Variants in CCSER1 observed in about 807,000 individuals in gnomAD.
CCSER1 encodes the protein coiled-coil serine rich protein 1.
CCSER1 carries 41 observed loss-of-function variants against 82.0 expected under a neutral mutation model. The ratio of observed to expected loss-of-function variants is 0.50; its 90% confidence interval spans 0.39 to 0.65. CCSER1 has a LOEUF of 0.65. CCSER1 is among the 30% of genes least tolerant of loss of function. The probability of loss-of-function intolerance (pLI) is 0.00; values close to 1 mark genes in which losing one functional copy is unlikely to be tolerated. For synonymous variants in CCSER1, 414 were observed against 383.9 expected (o/e 1.08, Z -0.92); for missense variants, 1,119 against 1,064.2 (o/e 1.05, Z -0.72).
At chr4:90,235,608 T>C (rs1307950578) in intron 1 of CCSER1, among the ~76,000 whole-genome samples, 1 of 152,186 alleles carries the variant, frequency 6.6e-6, no homozygotes, top group Non-Finnish European at 1.5e-5. Context: ...TACTTAGTTA[T>C]CTGTGCAAAA....
intron 10 of CCSER1, among the ~76,000 whole-genome samples, chr4:91,535,653 A>C (rs1188135052): frequency 6.7e-6 from 1 of 150,316 alleles, no homozygotes; most frequent in Non-Finnish European, 1.5e-5. Flanking sequence ...TAAAATTTTA[A>C]GAATAAACAG....
At chr4:91,094,368 C>T (rs538167830) in intron 10 of CCSER1, among the ~76,000 whole-genome samples, 8 of 152,172 alleles carry the variant, frequency 5.3e-5, no homozygotes, top group Non-Finnish European at 1.0e-4. Context: ...AAGAAGGCAT[C>T]CTTCAAGTCC....
chr4:91,000,209 GT>G (rs1386263614), intron 9 of CCSER1, among the ~76,000 whole-genome samples: 1 of 142,488 alleles, frequency 7.0e-6, no homozygotes, highest in Non-Finnish European at 1.5e-5. Flanking sequence ...GTATAGTATA[GT>G]ATAGTATAGG....
intron 10 of CCSER1, among the ~76,000 whole-genome samples, chr4:91,299,573 A>G (rs1024318168): frequency 2.6e-5 from 4 of 151,976 alleles, no homozygotes; most frequent in Non-Finnish European, 5.9e-5. Flanking sequence ...TGAGATTTCA[A>G]AGCTAACTAG....
At chr4:91,426,801 AT>A (rs796912633) in intron 10 of CCSER1, among the ~76,000 whole-genome samples, 62 of 152,280 alleles carry the variant, frequency 4.1e-4, no homozygotes, top group African/African-American at 1.4e-3. Context: ...CAGACTTTAA[AT>A]TTATATAAAA....
chr4:91,267,504 G>T (rs1741693777), intron 10 of CCSER1, among the ~76,000 whole-genome samples: 1 of 152,176 alleles, frequency 6.6e-6, no homozygotes, highest in Non-Finnish European at 1.5e-5. Flanking sequence ...ACATTTAAAA[G>T]ACTTTAATTT....
intron 8 of CCSER1, among the ~76,000 whole-genome samples, chr4:90,827,747 T>C (rs1760645539): frequency 6.6e-6 from 1 of 152,108 alleles, no homozygotes; most frequent in African/African-American, 2.4e-5. Flanking sequence ...GAATTTTCTT[T>C]TGCCCTCTGA....
intron 3 of CCSER1, among the ~76,000 whole-genome samples, chr4:90,372,949 G>A (rs1265362670): frequency 7.6e-6 from 1 of 130,954 alleles, no homozygotes; most frequent in Admixed American, 7.4e-5. Flanking sequence ...AAGGATAAAG[G>A]AGATGCAAAC....
chr4:90,876,728 GTTTTTCT>G (rs1373629201), intron 8 of CCSER1, among the ~76,000 whole-genome samples: 3 of 152,026 alleles, frequency 2.0e-5, no homozygotes, highest in Admixed American at 2.0e-4. Context: ...GTGTGTGTGA[GTTTTTCT>G]TTAGCCACTA....
chr4:90,487,705 G>A (rs1045899440), intron 5 of CCSER1, among the ~76,000 whole-genome samples: 4 of 152,190 alleles, frequency 2.6e-5, no homozygotes, highest in East Asian at 1.9e-4. Flanking sequence ...GAGTGCAGTG[G>A]CACAATCTCG....
At chr4:91,219,863 C>T (rs999790815) in intron 10 of CCSER1, among the ~76,000 whole-genome samples, 1 of 152,138 alleles carries the variant, frequency 6.6e-6, no homozygotes, top group Admixed American at 6.6e-5. Context: ...GTATCTGTCT[C>T]TCATATCTGT....
chr4:91,390,191 G>C (rs186035206), intron 10 of CCSER1, among the ~76,000 whole-genome samples: 159 of 152,048 alleles, frequency 1.0e-3, no homozygotes, highest in African/African-American at 3.7e-3. Flanking sequence ...AACTCAATTT[G>C]AGGAAGTTTT....
intron 3 of CCSER1, among the ~76,000 whole-genome samples, chr4:90,335,111 T>G (rs1219051070): frequency 4.6e-5 from 7 of 152,164 alleles, no homozygotes; most frequent in South Asian, 2.1e-4. Context: ...TGAAATCAAC[T>G]ACCTTATTCA....
At chr4:91,493,376 G>A (rs1217554490) in intron 10 of CCSER1, among the ~76,000 whole-genome samples, 2 of 151,494 alleles carry the variant, frequency 1.3e-5, no homozygotes, top group African/African-American at 2.4e-5. Context: ...ATTATTAATG[G>A]CTAGTGAGGC....
intron 5 of CCSER1, among the ~76,000 whole-genome samples, chr4:90,503,898 T>A (rs1403133543): frequency 1.3e-5 from 2 of 152,120 alleles, no homozygotes. Context: ...TGCTTAGACT[T>A]TTTGACTTAT....
At chr4:91,118,259 G>A (rs1030215055) in intron 10 of CCSER1, among the ~76,000 whole-genome samples, 12 of 148,466 alleles carry the variant, frequency 8.1e-5, no homozygotes, top group Non-Finnish European at 1.5e-4. Flanking sequence ...CTTTCTGGAA[G>A]AAGTAACAAC....
intron 9 of CCSER1, among the ~76,000 whole-genome samples, chr4:90,970,239 C>T (rs994861678): frequency 1.3e-5 from 2 of 151,654 alleles, no homozygotes; most frequent in African/African-American, 2.4e-5. Context: ...CAGACATAGA[C>T]AGGAAATGAA....
intron 8 of CCSER1, chr4:90,839,043 C>G (rs774932559): frequency 1.2e-6 from 2 of 1,612,108 alleles, no homozygotes; most frequent in South Asian, 1.1e-5. Flanking sequence ...GACATGGTTG[C>G]GGAGGAAAAG....
intron 1 of CCSER1, among the ~76,000 whole-genome samples, chr4:90,245,765 A>G (rs1721306714): frequency 6.6e-6 from 1 of 152,156 alleles, no homozygotes; most frequent in African/African-American, 2.4e-5. Context: ...TGTTTGTGAA[A>G]CAAAGGGTGA....
Sources: gnomAD v4.1 joint callset for allele counts (sites outside exome capture counted in the v4.1 genomes callset) on GRCh38, gnomAD v4.1.1 for gene constraint, MANE v1.5 for transcripts, NCBI Gene and HGNC (gene_info 2026-07-23, HGNC 2026-07-21) for gene names.